CHEK2: variants seen among roughly 807,000 people sequenced by gnomAD.
The protein encoded by CHEK2 is serine/threonine-protein kinase Chk2.
A neutral mutation model predicts 69.1 loss-of-function variants in CHEK2; 71 were observed. The ratio of observed to expected loss-of-function variants is 1.03; its 90% confidence interval spans 0.85 to 1.25. CHEK2 has a LOEUF of 1.25. CHEK2 is among the 50% of genes most tolerant of loss of function. CHEK2 has a pLI of 0.00. For synonymous variants in CHEK2, 189 were observed against 226.9 expected (o/e 0.83, Z 1.50); for missense variants, 664 against 649.6 (o/e 1.02, Z -0.24).
intron 13 of CHEK2, among the ~76,000 whole-genome samples, chr22:28,691,386 G>A (rs1173401189): frequency 6.6e-6 from 1 of 152,238 alleles, no homozygotes; most frequent in Non-Finnish European, 1.5e-5. Flanking sequence ...GGCTGATGCA[G>A]GAGAATCACT....
At chr22:28,701,243 C>T (rs1442787787) in intron 8 of CHEK2, among the ~76,000 whole-genome samples, 3 of 151,664 alleles carry the variant, frequency 2.0e-5, no homozygotes, top group Non-Finnish European at 2.9e-5. Context: ...TTTCTTTTTT[C>T]TTATGTTTTT....
In CHEK2 at chr22:28,703,565, G is replaced by T. The variant is rs781222802; in HGVS notation, c.848C>A (p.Pro283His). The T allele has an allele frequency of 6.4e-7, 1 of 1,558,426 alleles. No homozygotes were observed. The highest frequency in any genetic ancestry group is 8.8e-7 in the Non-Finnish European group (1 of 1,135,508). Residue 283 changes from proline (P) to histidine (H), a missense_variant and splice_region_variant, in exon 8 of 15, where the codon CCT becomes CAT. By Grantham distance (77) the Pro-to-His change is moderately conservative (BLOSUM62 -2). Transcript: ENST00000404276. Reference protein sequence around the residue: ...EIEILKKLNHPCIIKIKNFFD... With the variant: ...EIEILKKLNHHCIIKIKNFFD... ...AAAGTTTTTAATCTTGATGATGCAA[G>T]GCTAAGAAGAGGGGGAGAAAAAAGG...
chr22:28,695,690 G>T lies in CHEK2; in HGVS notation c.1259+20C>A. ...TAATCACCTCCTACCAGTCTGTGCA[G>T]CAATGAAAATATTTCTTACCAGATA... On this transcript the variant is annotated intron_variant, in intron 11 of 14. Transcript: ENST00000404276. The T allele has an allele frequency of 6.2e-7, 1 of 1,609,656 alleles. No individual in the cohort carries two copies. The highest frequency in any genetic ancestry group is 1.1e-5 in the South Asian group (1 of 90,976).
In CHEK2 at chr22:28,729,018, T is replaced by C. The variant is rs145565172; in HGVS notation, c.320-3651A>G. Reference sequence around the variant, plus strand: ...ACACACGGCTGGCTTCATTTTAAATTCTATCAAATATGTAAAGAACTAATA... The same window carrying C: ...ACACACGGCTGGCTTCATTTTAAATCCTATCAAATATGTAAAGAACTAATA... On this transcript the variant is annotated intron_variant, in intron 2 of 14. Transcript: ENST00000404276. Among the ~76,000 whole-genome samples the C allele has an allele frequency of 2.5e-3, 373 of 152,094 alleles. 3 individuals are homozygous for C. Among genetic ancestry groups the C allele is most frequent in the African/African-American group, 8.3e-3 (345 of 41,494 alleles).
chr22:28,692,217 C>G (rs1007884557), intron 13 of CHEK2, among the ~76,000 whole-genome samples: 3 of 152,244 alleles, frequency 2.0e-5, no homozygotes, highest in African/African-American at 7.2e-5. Flanking sequence ...GAGATGAACA[C>G]AGCTCCTGTA....
intron 7 of CHEK2, among the ~76,000 whole-genome samples, chr22:28,707,091 G>A (rs1036690754): frequency 5.3e-5 from 8 of 152,118 alleles, no homozygotes; most frequent in South Asian, 2.1e-4. Context: ...AGAGGTGTCC[G>A]ATAGTCAGAA....
chr22:28,688,388 G>C (rs997627772), intron 14 of CHEK2, among the ~76,000 whole-genome samples: 23 of 152,264 alleles, frequency 1.5e-4, no homozygotes, highest in South Asian at 8.3e-4. Context: ...TGGGAGGAAG[G>C]CTGGGTGCGG....
At chr22:28,707,077 A>G (rs368525000) in intron 7 of CHEK2, among the ~76,000 whole-genome samples, 3 of 152,320 alleles carry the variant, frequency 2.0e-5, no homozygotes, top group African/African-American at 7.2e-5. Context: ...CTAACAGAGC[A>G]TGAAGAGGTG....
At chr22:28,726,522 ATATAT>A (rs1042829150) in intron 2 of CHEK2, among the ~76,000 whole-genome samples, 28 of 145,910 alleles carry the variant, frequency 1.9e-4, no homozygotes, top group African/African-American at 6.7e-4. Flanking sequence ...ACAATATAAC[ATATAT>A]TATATATTTA....
At chr22:28,702,778 C>A (rs2145870962) in intron 8 of CHEK2, among the ~76,000 whole-genome samples, 1 of 151,362 alleles carries the variant, frequency 6.6e-6, no homozygotes, top group East Asian at 2.0e-4. Flanking sequence ...AACTCCTGAC[C>A]TCAGGTGATC....
chr22:28,705,061 A>C, intron 7 of CHEK2, among the ~76,000 whole-genome samples: 1 of 149,658 alleles, frequency 6.7e-6, no homozygotes, highest in Non-Finnish European at 1.5e-5. Flanking sequence ...AAATCTGAAT[A>C]CTCCCAAAAT....
At chr22:28,706,722 C>T (rs573586762) in intron 7 of CHEK2, among the ~76,000 whole-genome samples, 3 of 152,128 alleles carry the variant, frequency 2.0e-5, no homozygotes, top group Non-Finnish European at 4.4e-5. Context: ...AGTTCGAGAC[C>T]AGCCTGGCCA....
At chr22:28,716,208 T>G (rs2053582297) in intron 5 of CHEK2, among the ~76,000 whole-genome samples, 1 of 150,768 alleles carries the variant, frequency 6.6e-6, no homozygotes, top group African/African-American at 2.4e-5. Flanking sequence ...TCTTTTTTTT[T>G]TTTTTTGAGA....
chr22:28,706,656 C>T (rs1194271691), intron 7 of CHEK2, among the ~76,000 whole-genome samples: 2 of 152,090 alleles, frequency 1.3e-5, no homozygotes, highest in African/African-American at 2.4e-5. Flanking sequence ...CAGTGGCTCA[C>T]GTCTGTAATC....
chr22:28,715,891 T>C (rs1396418503), intron 5 of CHEK2, among the ~76,000 whole-genome samples: 1 of 150,344 alleles, frequency 6.7e-6, no homozygotes, highest in Non-Finnish European at 1.5e-5. Flanking sequence ...CCCGAGACAT[T>C]GTCTCACTCT....
intron 13 of CHEK2, chr22:28,689,477 C>G (rs2052266629): frequency 2.3e-6 from 1 of 433,252 alleles, no homozygotes. Flanking sequence ...CAATCACAGC[C>G]TCCAGCAGTC....
chr22:28,720,252 G>T (rs940186986), intron 4 of CHEK2, among the ~76,000 whole-genome samples: 1 of 151,562 alleles, frequency 6.6e-6, no homozygotes, highest in Non-Finnish European at 1.5e-5. Flanking sequence ...CACCATGCCC[G>T]GCTAAGTTTT....
chr22:28,694,509 G>C (rs1047230213), intron 12 of CHEK2, among the ~76,000 whole-genome samples: 1 of 152,164 alleles, frequency 6.6e-6, no homozygotes, highest in Non-Finnish European at 1.5e-5. Context: ...GAGGCTCCCT[G>C]GAACTGCAGA....
intron 1 of CHEK2, among the ~76,000 whole-genome samples, chr22:28,736,266 C>A (rs970619556): frequency 9.2e-5 from 14 of 152,142 alleles, no homozygotes; most frequent in African/African-American, 3.4e-4. Flanking sequence ...GACAAAAAAT[C>A]AGGTGGCTTG....
Sources: allele counts gnomAD v4.1 joint callset (sites outside exome capture counted in the v4.1 genomes callset), GRCh38; gene constraint gnomAD v4.1.1; transcripts MANE v1.5; gene names NCBI Gene and HGNC (gene_info 2026-07-23, HGNC 2026-07-21).